Variants in WWC2 observed in about 807,000 individuals in gnomAD.
WWC2 encodes the protein protein WWC2.
A neutral mutation model predicts 138.5 loss-of-function variants in WWC2; 101 were observed. The observed-to-expected ratio is 0.73, with a 90% CI of 0.62 to 0.86. The LOEUF (loss-of-function observed/expected upper bound fraction) is 0.86. Among genes scored for constraint, WWC2 ranks in the 40% least tolerant of loss-of-function variants. The pLI is 0.00. For missense variants in WWC2, 1,420 were observed against 1,419.4 expected, an observed-to-expected ratio of 1.00 and a Z score of -0.01; for synonymous variants, 558 against 538.4, an observed-to-expected ratio of 1.04 and a Z score of -0.50.
At chr4:183,187,691 A>G (rs1281141661) in intron 1 of WWC2, among the ~76,000 whole-genome samples, 1 of 151,384 alleles carries the variant, frequency 6.6e-6, no homozygotes, top group Non-Finnish European at 1.5e-5. Flanking sequence ...ACCAACACGG[A>G]GAAACCCCAT....
chr4:183,124,198 T>G (rs1732688901), intron 1 of WWC2, among the ~76,000 whole-genome samples: 1 of 152,200 alleles, frequency 6.6e-6, no homozygotes, highest in Non-Finnish European at 1.5e-5. Context: ...TGGCTGATTT[T>G]CTTGTCTTCA....
chr4:183,144,854 A>G (rs1246128534), intron 1 of WWC2, among the ~76,000 whole-genome samples: 1 of 152,234 alleles, frequency 6.6e-6, no homozygotes, highest in Non-Finnish European at 1.5e-5. Context: ...ACTTTTAACT[A>G]TTGGGAAAAA....
At chr4:183,120,937 T>C (rs763241226) in intron 1 of WWC2, among the ~76,000 whole-genome samples, 10 of 152,120 alleles carry the variant, frequency 6.6e-5, no homozygotes, top group East Asian at 3.9e-4. Flanking sequence ...AAAAGTAACA[T>C]TGTGGCCAGG....
At chr4:183,265,207 T>C in intron 12 of WWC2, 100 bp downstream of exon 12, 1 of 1,431,566 alleles carries the variant, frequency 7.0e-7, no homozygotes, top group East Asian at 2.4e-5. Flanking sequence ...GTCCGCTCTT[T>C]GGCTTAGTAA....
chr4:183,222,894 A>G (rs1258317090), intron 4 of WWC2, among the ~76,000 whole-genome samples: 1 of 152,206 alleles, frequency 6.6e-6, no homozygotes, highest in Admixed American at 6.5e-5. Context: ...TGAACCTGGG[A>G]GGCAGAGGTT....
At chr4:183,296,738 C>G (rs1218434317) in intron 21 of WWC2, among the ~76,000 whole-genome samples, 1 of 151,718 alleles carries the variant, frequency 6.6e-6, no homozygotes, top group African/African-American at 2.4e-5. Flanking sequence ...TCGAAACCAC[C>G]CTGGCTAACG....
intron 16 of WWC2, among the ~76,000 whole-genome samples, chr4:183,279,937 A>T (rs915390752): frequency 6.6e-6 from 1 of 152,094 alleles, no homozygotes; most frequent in African/African-American, 2.4e-5. Flanking sequence ...TATTCATAAA[A>T]ACTTAAATTT....
chr4:183,247,569 CTCTATATACTATATACTA>C (rs1298304168), intron 6 of WWC2, among the ~76,000 whole-genome samples: 42 of 135,860 alleles, frequency 3.1e-4, no homozygotes, highest in African/African-American at 1.1e-3. Flanking sequence ...ACTATATATG[CTCTATATACTATATACTA>C]TATATATGCT....
intron 1 of WWC2, among the ~76,000 whole-genome samples, chr4:183,176,033 G>A (rs1560826666): frequency 6.6e-6 from 1 of 152,210 alleles, no homozygotes; most frequent in Non-Finnish European, 1.5e-5. Context: ...AGCTCAAAGG[G>A]CATGCATTTT....
chr4:183,194,024 GCCACTGCACCTTCTGA>G (rs1178999315), intron 2 of WWC2, among the ~76,000 whole-genome samples: 1 of 152,250 alleles, frequency 6.6e-6, no homozygotes. Context: ...TCTTTCCATG[GCCACTGCACCTTCTGA>G]CAGGCTCTTC....
intron 18 of WWC2, 83 bp downstream of exon 18, chr4:183,282,989 G>A: frequency 1.5e-6 from 2 of 1,359,070 alleles, no homozygotes; most frequent in Non-Finnish European, 9.8e-7. Context: ...GTCTCCTTAG[G>A]TGTAAATTCC....
rs1056424360 is a variant in WWC2, at chr4:183,315,678, C to T, written c.3528C>T (p.Tyr1176=). 6.2e-7 allele frequency: 1 copy of T among 1,613,166 alleles called. No homozygotes were observed. Among genetic ancestry groups the T allele is most frequent in the Admixed American group, 1.7e-5 (1 of 59,930 alleles). ...QVQSFREKIA[Y]FTRAKISIPS... ...CCAACTCTAGGGAGAAGATTGCCTA[C>T]TTCACCAGAGCAAAGATAAGCATCC... is the stretch of plus-strand genomic sequence containing the variant. The change falls in exon 23 of 23, where the codon TAC becomes TAT. Residue 1176 remains tyrosine, a synonymous_variant. Coordinates refer to ENST00000403733, the MANE Select transcript of WWC2 (RefSeq NM_024949.6).
intron 14 of WWC2, among the ~76,000 whole-genome samples, chr4:183,266,184 T>G (rs1737498177): frequency 6.6e-6 from 1 of 152,226 alleles, no homozygotes; most frequent in Non-Finnish European, 1.5e-5. Flanking sequence ...AGACATTTAA[T>G]CTCTTTTTTG....
intron 4 of WWC2, among the ~76,000 whole-genome samples, chr4:183,226,605 A>T (rs1580078449): frequency 6.6e-6 from 1 of 152,162 alleles, no homozygotes; most frequent in East Asian, 1.9e-4. Flanking sequence ...ACAATAATTA[A>T]TGAAAATTTT....
At chr4:183,209,368 C>T (rs1735533884) in intron 4 of WWC2, among the ~76,000 whole-genome samples, 1 of 152,174 alleles carries the variant, frequency 6.6e-6, no homozygotes, top group South Asian at 2.1e-4. Flanking sequence ...GCTGGGATTA[C>T]AGGCGCGTGC....
At position 183,188,643 on chromosome 4, in the gene WWC2, C is replaced by CT. The variant is rs11341026; in HGVS notation, c.132-4937dup. 9.8e-4 allele frequency among the ~76,000 whole-genome samples: 78 copies of CT among 79,738 alleles called. 1 individual carries two copies. Among genetic ancestry groups the CT allele is most frequent in the Admixed American group, 4.1e-3 (29 of 7,082 alleles). 52.3% of individuals were successfully genotyped at this position (79,738 alleles called of 152,430 possible). ...ATCTCTCTCTCTCTCTTGCTCCTTT[C>CT]TTTTTTTTTTTTTTTTTTTGAGACG... On this transcript the variant is annotated intron_variant, in intron 1 of 22. Coordinates refer to ENST00000403733, the MANE Select transcript of WWC2 (RefSeq NM_024949.6).
rs778485774 is a variant in WWC2, at chr4:183,135,946, G to A, written c.131+36324G>A. Among the ~76,000 whole-genome samples the A allele has an allele frequency of 3.9e-5, 6 of 151,928 alleles. No homozygotes were observed. In the South Asian group the frequency reaches 1.0e-3, roughly 26 times the overall value. On this transcript the variant is annotated intron_variant, in intron 1 of 22. Transcript: ENST00000403733. ...AACAGTATGTTATTCCTTTAAATGAGTTTTCTATTCTCTTTTCTTTTCTTT... is the reference window on the plus strand; with the variant it reads ...AACAGTATGTTATTCCTTTAAATGAATTTTCTATTCTCTTTTCTTTTCTTT...
At position 183,154,105 on chromosome 4, in the gene WWC2, C is replaced by T. The variant is rs143985723; in HGVS notation, c.132-39494C>T. On this transcript the variant is annotated intron_variant, in intron 1 of 22. Coordinates refer to ENST00000403733, the MANE Select transcript of WWC2 (RefSeq NM_024949.6). ...GAACTGCAATTCAAATATTAAATTT[C>T]TGGGTTAATTTTTAGAAAGCATAAC... Among the ~76,000 whole-genome samples the T allele has an allele frequency of 4.8e-3, 688 of 142,136 alleles. 5 individuals carry two copies. Among genetic ancestry groups the T allele is most frequent in the African/African-American group, 0.017 (658 of 38,620 alleles). 93.2% of individuals were successfully genotyped at this position (142,136 alleles called of 152,430 possible). A position where few individuals can be genotyped will look rare whatever the true frequency, so the allele number is the denominator to read the frequency against.
At chr4:183,216,785 T>C (rs1193416218) in intron 4 of WWC2, among the ~76,000 whole-genome samples, 56 of 151,014 alleles carry the variant, frequency 3.7e-4, no homozygotes, top group Non-Finnish European at 1.5e-5. Context: ...AGAAGGGAGC[T>C]ACAGAGATAG....
Sources: gnomAD v4.1 joint callset for allele counts (sites outside exome capture counted in the v4.1 genomes callset) on GRCh38, gnomAD v4.1.1 for gene constraint, MANE v1.5 for transcripts, NCBI Gene and HGNC (gene_info 2026-07-23, HGNC 2026-07-21) for gene names.